DMD: variants seen among roughly 807,000 people sequenced by gnomAD.
DMD encodes mutant dystrophin.
DMD carries 63 observed loss-of-function variants against 330.1 expected under a neutral mutation model. That is an observed-to-expected ratio of 0.19 (90% CI 0.16 to 0.24). The LOEUF (loss-of-function observed/expected upper bound fraction) is 0.24, where lower values mean the gene tolerates loss of function less well. Ranked by LOEUF, DMD falls within the 10% of genes least tolerant of loss-of-function variation. The pLI is 1.00. For missense variants in DMD, 3,344 were observed against 2,684.1 expected, an observed-to-expected ratio of 1.25 and a Z score of -5.43; for synonymous variants, 1,223 against 959.8, an observed-to-expected ratio of 1.27 and a Z score of -5.07.
chrX:32,226,874 C>A (rs1465720130), intron 43 of DMD, among the ~76,000 whole-genome samples: 1 of 110,619 alleles, frequency 9.0e-6, no homozygotes, highest in Non-Finnish European at 1.9e-5. Flanking sequence ...CAATCTACAT[C>A]AGAAATCATT....
intron 63 of DMD, among the ~76,000 whole-genome samples, chrX:31,246,496 G>A (rs1380835021): frequency 8.9e-6 from 1 of 112,448 alleles, no homozygotes; most frequent in Non-Finnish European, 1.9e-5. Context: ...GACTTTCATA[G>A]CTCTAGAGGA....
At chrX:32,952,327 T>C (rs111574951) in intron 2 of DMD, among the ~76,000 whole-genome samples, 10,652 of 109,863 alleles carry the variant, frequency 0.097, 953 homozygotes, top group African/African-American at 0.28. Context: ...ACAGATGGGA[T>C]TTCACCGCGT....
intron 41 of DMD, among the ~76,000 whole-genome samples, chrX:32,323,384 G>C (rs1265701798): frequency 9.0e-6 from 1 of 111,352 alleles, no homozygotes; most frequent in Non-Finnish European, 1.9e-5. Flanking sequence ...AAAAAACAGT[G>C]ACAGGAAATA....
intron 53 of DMD, among the ~76,000 whole-genome samples, chrX:31,659,415 T>C (rs185280869): frequency 6.1e-4 from 66 of 109,067 alleles, no homozygotes; most frequent in African/African-American, 2.1e-3. Context: ...CCAAGGCGGG[T>C]GGATCACGAG....
intron 44 of DMD, among the ~76,000 whole-genome samples, chrX:31,983,307 T>C (rs986234293): frequency 9.0e-5 from 10 of 111,152 alleles, no homozygotes; most frequent in Non-Finnish European, 1.5e-4. Flanking sequence ...ACTTTTTTTT[T>C]CCTCATCCTT....
intron 55 of DMD, among the ~76,000 whole-genome samples, chrX:31,621,283 C>T (rs1007826889): frequency 8.9e-6 from 1 of 111,860 alleles, no homozygotes; most frequent in African/African-American, 3.3e-5. Flanking sequence ...AAATAGCTCA[C>T]GTATCTGTTT....
At chrX:32,412,400 G>A (rs2098146660) in intron 29 of DMD, 1 of 140,267 alleles carries the variant, frequency 7.1e-6, no homozygotes, top group African/African-American at 3.2e-5. Context: ...TTAGATAACA[G>A]TCTGGTTAAA....
intron 44 of DMD, among the ~76,000 whole-genome samples, chrX:32,063,993 T>G (rs1603623766): frequency 9.0e-6 from 1 of 111,127 alleles, no homozygotes; most frequent in East Asian, 2.8e-4. Flanking sequence ...ACTTAAAAAT[T>G]TTCATGAATA....
At chrX:32,011,821 T>C (rs2095711141) in intron 44 of DMD, among the ~76,000 whole-genome samples, 1 of 111,931 alleles carries the variant, frequency 8.9e-6, no homozygotes, top group Admixed American at 9.5e-5. Flanking sequence ...AGGACTCTCA[T>C]CACCTACGGA....
chrX:31,373,383 C>G (rs1433076678), intron 60 of DMD, among the ~76,000 whole-genome samples: 1 of 96,725 alleles, frequency 1.0e-5, no homozygotes, highest in African/African-American at 3.5e-5. Flanking sequence ...GCCAAAAGAA[C>G]AAAGCTGGAG....
chrX:32,440,397 G>A (rs896071625), intron 28 of DMD, among the ~76,000 whole-genome samples: 1 of 111,170 alleles, frequency 9.0e-6, no homozygotes, highest in Admixed American at 9.6e-5. Flanking sequence ...GATGTTCTAG[G>A]ATTACAAATT....
upstream of DMD, chrX:33,211,567 G>A: frequency 3.0e-6 from 3 of 1,013,099 alleles, no homozygotes; most frequent in East Asian, 3.9e-5. Flanking sequence ...TTCTGTAGAG[G>A]CCCCCGGATA....
chrX:32,512,892 G>C (rs1371316844), intron 18 of DMD, among the ~76,000 whole-genome samples: 1 of 111,544 alleles, frequency 9.0e-6, no homozygotes, highest in Non-Finnish European at 1.9e-5. Flanking sequence ...GTTTTGATTG[G>C]ATGTTGTAAG....
At chrX:31,656,068 C>T (rs917134757) in intron 54 of DMD, among the ~76,000 whole-genome samples, 1 of 111,869 alleles carries the variant, frequency 8.9e-6, no homozygotes, top group African/African-American at 3.2e-5. Context: ...GATGGGTAGT[C>T]ATCAACAGAC....
chrX:32,817,477 T>C (rs1473224675), intron 5 of DMD, among the ~76,000 whole-genome samples: 2 of 112,087 alleles, frequency 1.8e-5, no homozygotes, highest in African/African-American at 6.5e-5. Context: ...TTTTCTAAGT[T>C]TCATGAATGC....
rs1261549126 is a variant in DMD, at chrX:32,620,410, C to T, written c.1332-5957G>A. Among the ~76,000 whole-genome samples the T allele has an allele frequency of 3.6e-5, 4 of 112,188 alleles. No homozygotes were observed. In the Admixed American group the frequency reaches 3.8e-4, roughly 11 times the overall value. On this transcript the variant is annotated intron_variant, in intron 11 of 78. Transcript: ENST00000357033. ...CAGAGCTTTCTTCCAATATGCATTT[C>T]ATATTCCTTTTGAGAGTGTTTACAA...
intron 44 of DMD, among the ~76,000 whole-genome samples, chrX:32,029,819 G>A (rs1375722708): frequency 9.0e-6 from 1 of 111,723 alleles, no homozygotes; most frequent in African/African-American, 3.3e-5. Context: ...AGTCTATGTG[G>A]ATGGTCGTGT....
intron 55 of DMD, among the ~76,000 whole-genome samples, chrX:31,551,356 C>A (rs2074476790): frequency 9.0e-6 from 1 of 110,586 alleles, no homozygotes; most frequent in African/African-American, 3.3e-5. Flanking sequence ...TTGAGTCTTG[C>A]TCCTGTTAAT....
At chrX:32,736,920 AAAAG>A (rs1172600609) in intron 7 of DMD, among the ~76,000 whole-genome samples, 1 of 111,447 alleles carries the variant, frequency 9.0e-6, no homozygotes, top group Non-Finnish European at 1.9e-5. Context: ...GTATAATAAT[AAAAG>A]AAAAAAAAAC....
Sources: gnomAD v4.1 joint callset for allele counts (sites outside exome capture counted in the v4.1 genomes callset) on GRCh38, gnomAD v4.1.1 for gene constraint, MANE v1.5 for transcripts, NCBI Gene and HGNC (gene_info 2026-07-23, HGNC 2026-07-21) for gene names.